ERBB2: variants seen among roughly 807,000 people sequenced by gnomAD.
ERBB2 encodes receptor tyrosine-protein kinase erbB-2.
In ERBB2, 61 loss-of-function variants were observed where a neutral mutation model predicts 149.0. The ratio of observed to expected loss-of-function variants is 0.41; its 90% CI spans 0.33 to 0.51. The LOEUF is 0.51. ERBB2 is among the 20% of genes least tolerant of loss of function. ERBB2 has a pLI of 0.25. For synonymous variants in ERBB2, 633 were observed against 678.8 expected, an observed-to-expected ratio of 0.93 and a Z score of 1.05; for missense variants, 1,205 against 1,655.1, an observed-to-expected ratio of 0.73 and a Z score of 4.72.
rs747570133 is a variant in ERBB2 at position 39,710,248 on chromosome 17, C to T, written c.759+47C>T. ...CCAATGTGCTCTACCCCCCAGGATG[C>T]AAGGGGTGGGCACCCTGCCTGGTAC... On this transcript the variant is annotated intron_variant, in intron 6 of 26. Coordinates refer to ENST00000269571, the MANE Select transcript of ERBB2 (RefSeq NM_004448.4). 6.2e-6 allele frequency: 10 copies of T among 1,607,516 alleles called. No homozygotes were observed. In the African/African-American group the frequency reaches 1.1e-4, roughly 17 times the overall value.
rs2145436082 is a variant in ERBB2 at position 39,708,311 on chromosome 17, C to T, written c.226-10C>T. The T allele has an allele frequency of 1.9e-6, 3 of 1,609,860 alleles. No homozygotes were observed. The highest frequency in any genetic ancestry group is 1.1e-5 in the South Asian group (1 of 90,932). ...TCCTATTTCAGCCCCACTCTGCTTC[C>T]CCCTCCCAGGATATCCAGGAGGTGC... On this transcript the variant is annotated splice_polypyrimidine_tract_variant and intron_variant, in intron 2 of 26. Transcript: ENST00000269571.
intron 3 of ERBB2, 134 bp downstream of exon 3, chr17:39,708,668 C>T (rs550169861): frequency 3.3e-5 from 22 of 663,678 alleles, no homozygotes; most frequent in African/African-American, 1.6e-4. Flanking sequence ...CCCGGGAAGA[C>T]GCCCTCAGAA....
chr17:39,701,141 G>T (rs1183547929), intron 1 of ERBB2, among the ~76,000 whole-genome samples: 1 of 152,118 alleles, frequency 6.6e-6, no homozygotes. Flanking sequence ...GGTGCTGTGC[G>T]TGGGGAAGGG....
At chr17:39,700,404 C>T in intron 1 of ERBB2, 93 bp downstream of exon 1, 1 of 1,034,622 alleles carries the variant, frequency 9.7e-7, no homozygotes, top group Non-Finnish European at 1.2e-6. Flanking sequence ...GCCAGAGGGG[C>T]CCGGACGAGC....
At position 39,715,851 on chromosome 17, in the gene ERBB2, C is replaced by T. The variant is rs2145656311; in HGVS notation, c.1425C>T (p.Cys475=). Residue 475 remains cysteine, a synonymous_variant, in exon 12 of 27, where the codon TGC becomes TGT. Coordinates refer to ENST00000269571, the MANE Select transcript of ERBB2 (RefSeq NM_004448.4). ...LALIHHNTHL[C]FVHTVPWDQL... Reference sequence around the variant, plus strand: ...TCATCCACCATAACACCCACCTCTGCTTCGTGCACACGGTGCCCTGGGACC... The same window carrying T: ...TCATCCACCATAACACCCACCTCTGTTTCGTGCACACGGTGCCCTGGGACC... The T allele has an allele frequency of 6.2e-7, 1 of 1,612,692 alleles. No individual in the cohort carries two copies.
In ERBB2 at chr17:39,727,964, CG is replaced by C; in HGVS notation, c.3694del (p.Ala1232LeufsTer70). 2 of 1,613,800 alleles carry C rather than the reference CG, an allele frequency of 1.2e-6. No homozygotes were observed. Among genetic ancestry groups the C allele is most frequent in the Non-Finnish European group, 1.7e-6 (2 of 1,179,964 alleles). On this transcript the variant is annotated frameshift_variant, in exon 27 of 27. Transcript: ENST00000269571. LOFTEE classifies it high-confidence loss of function. The surrounding 1 kb of genome is among the most constrained non-coding windows in gnomAD (Gnocchi z 4.3). ...TTACTGGGACCAGGACCCACCAGAG[CG>C]GGGGGCTCCACCCAGCACCTTCAAA... ...LYYWDQDPPE[R>X]GAPPSTFKGT...
Position 39,720,055 on chromosome 17 carries a change from C to G in ERBB2, c.1946+221C>G, listed in dbSNP as rs904340385. 7.1e-6 allele frequency: 4 copies of G among 559,930 alleles called. No homozygotes were observed. The African/African-American group carries it at 7.6e-5, about 11-fold the overall frequency. The allele number at this position is 559,930 out of a possible 1,614,324, so 34.7% of individuals were successfully genotyped here. A position where few individuals can be genotyped will look rare whatever the true frequency, so the allele number is the denominator to read the frequency against. ...AGGAAAGATGGCTAGGAAACCCAGTCCCTCCACACCCTAGAGTAACTTGAT... is the reference window on the plus strand; with the variant it reads ...AGGAAAGATGGCTAGGAAACCCAGTGCCTCCACACCCTAGAGTAACTTGAT... On this transcript the variant is annotated intron_variant, in intron 16 of 26. Transcript: ENST00000269571.
At position 39,725,758 on chromosome 17, in the gene ERBB2, T is replaced by A. The variant is rs1567914269; in HGVS notation, c.2777T>A (p.Ile926Asn). The A allele has an allele frequency of 6.2e-7, 1 of 1,613,690 alleles. No individual in the cohort carries two copies. The highest frequency in any genetic ancestry group is 8.5e-7 in the Non-Finnish European group (1 of 1,179,886). The change falls in exon 23 of 27, where the codon ATC becomes AAC. Residue 926 changes from isoleucine (I) to asparagine (N), a missense_variant. By Grantham distance (149) the Ile-to-Asn change is moderately radical. Around this residue, in one of 6 missense-constraint regions of ERBB2, gnomAD observed 63 missense variants for 74.2 expected, o/e 0.85. Coordinates refer to ENST00000269571, the MANE Select transcript of ERBB2 (RefSeq NM_004448.4). This position sits in a 1 kb window ranked among gnomAD's most constrained non-coding sequence, Gnocchi z 4.6. ...TTTGGGGCCAAACCTTACGATGGGA[T>A]CCCAGCCCGGGAGATCCCTGACCTG... ...MTFGAKPYDG[I>N]PAREIPDLLE...
chr17:39,728,122 G>A lies in ERBB2; in HGVS notation c.*78G>A. The A allele has an allele frequency of 9.2e-7, 1 of 1,085,952 alleles. No homozygotes were observed. The highest frequency in any genetic ancestry group is 1.3e-6 in the Non-Finnish European group (1 of 766,468). The allele number at this position is 1,085,952 out of a possible 1,614,324, so 67.3% of individuals were successfully genotyped here. A position where few individuals can be genotyped will look rare whatever the true frequency, so the allele number is the denominator to read the frequency against. On this transcript the variant is annotated 3_prime_UTR_variant, in exon 27 of 27. Transcript: ENST00000269571. The stretch of plus-strand genomic sequence containing the variant: ...GGCCTGACTTCTGCTGGCATCAAGA[G>A]GTGGGAGGGCCCTCCGACCACTTCC...
rs2059587911 is a variant in ERBB2, at chr17:39,723,899, T to C, written c.2209-13T>C. The C allele has an allele frequency of 6.2e-7, 1 of 1,609,538 alleles. No individual in the cohort carries two copies. Among genetic ancestry groups the C allele is most frequent in the Non-Finnish European group, 8.5e-7 (1 of 1,175,894 alleles). Reference sequence around the variant, plus strand: ...CACGCTCTTCTCACTCATATCCTCCTCTTTCTGCCCAGGGCATCTGGATCC... The same window carrying C: ...CACGCTCTTCTCACTCATATCCTCCCCTTTCTGCCCAGGGCATCTGGATCC... On this transcript the variant is annotated splice_polypyrimidine_tract_variant and intron_variant, in intron 18 of 26. Transcript: ENST00000269571. This position sits in a 1 kb window ranked among gnomAD's most constrained non-coding sequence, Gnocchi z 6.2.
In ERBB2 at chr17:39,710,367, A is replaced by G. The variant is rs750324803; in HGVS notation, c.787A>G (p.Ile263Val). 2.5e-6 allele frequency: 4 copies of G among 1,614,058 alleles called. No homozygotes were observed. In the South Asian group the frequency reaches 3.3e-5, roughly 13 times the overall value. ...CTGCCTCCACTTCAACCACAGTGGC[A>G]TCTGTGAGCTGCACTGCCCAGCCCT... The part of the protein sequence containing the change: ...LACLHFNHSG[I>V]CELHCPALVT... Residue 263 changes from isoleucine to valine, a missense_variant, in exon 7 of 27, where the codon ATC becomes GTC. Physicochemically the swap from Ile to Val is conservative, Grantham distance 29. Around this residue, in one of 6 missense-constraint regions of ERBB2, gnomAD observed 569 missense variants for 803.5 expected, o/e 0.71. Coordinates refer to ENST00000269571, the MANE Select transcript of ERBB2 (RefSeq NM_004448.4).
At chr17:39,691,059 T>C (rs573747097), upstream of ERBB2, among the ~76,000 whole-genome samples, 2 of 149,796 alleles carry the variant, frequency 1.3e-5, no homozygotes, top group African/African-American at 4.9e-5. Flanking sequence ...AAAAGTATAG[T>C]GTGCTAAAGG....
At chr17:39,699,908 G>A (rs901938258), upstream of ERBB2, 5 of 880,116 alleles carry the variant, frequency 5.7e-6, no homozygotes, top group South Asian at 3.6e-5. Context: ...AAGAGAGGGA[G>A]AAAGTGAAGC....
chr17:39,720,831 G>C (rs1023685985), intron 16 of ERBB2, among the ~76,000 whole-genome samples: 33 of 152,052 alleles, frequency 2.2e-4, no homozygotes, highest in Admixed American at 5.2e-4. Flanking sequence ...TGTATTTTTA[G>C]TAGAGACGGG....
chr17:39,688,777 C>T (rs2057623269), exon 2 of ERBB2: 1 of 152,410 alleles, frequency 6.6e-6, no homozygotes, highest in Non-Finnish European at 1.5e-5. Context: ...ACCACTCTAC[C>T]TCCAGCACAG....
In ERBB2 at chr17:39,710,091, C is replaced by G. The variant is rs768151310; in HGVS notation, c.649C>G (p.Arg217Gly). ...TCCTGCCCTTTGCCCAACAGTGACGCGCACTGTCTGTGCCGGTGGCTGTGC... is the reference window on the plus strand; with the variant it reads ...TCCTGCCCTTTGCCCAACAGTGACGGGCACTGTCTGTGCCGGTGGCTGTGC... ...ESSEDCQSLT[R>G]TVCAGGCARC... The change falls in exon 6 of 27, where the codon CGC becomes GGC. Residue 217 changes from arginine (R) to glycine (G), a missense_variant. By Grantham distance (125) the Arg-to-Gly change is moderately radical (BLOSUM62 -2). Around this residue, in one of 6 missense-constraint regions of ERBB2, gnomAD observed 569 missense variants for 803.5 expected, o/e 0.71. Coordinates refer to ENST00000269571, the MANE Select transcript of ERBB2 (RefSeq NM_004448.4). 6.2e-7 allele frequency: 1 copy of G among 1,606,520 alleles called. No individual in the cohort carries two copies. Among genetic ancestry groups the G allele is most frequent in the Non-Finnish European group, 8.5e-7 (1 of 1,177,794 alleles).
chr17:39,701,822 G>T (rs2058126147), intron 1 of ERBB2, among the ~76,000 whole-genome samples: 1 of 152,186 alleles, frequency 6.6e-6, no homozygotes, highest in Non-Finnish European at 1.5e-5. Flanking sequence ...CCTTCTTGCT[G>T]AGGAAGAAGG....
chr17:39,712,751 G>T (rs4252629), intron 9 of ERBB2, among the ~76,000 whole-genome samples: 1 of 152,238 alleles, frequency 6.6e-6, no homozygotes, highest in South Asian at 2.1e-4. Flanking sequence ...TAACTCAAAT[G>T]TGCATCACTA....
chr17:39,728,028 T>G lies in ERBB2; in HGVS notation c.3752T>G (p.Leu1251Arg). ...GCAGAGAACCCAGAGTACCTGGGTCTGGACGTGCCAGTGTGAACCAGAAGG... is the reference window on the plus strand; with the variant it reads ...GCAGAGAACCCAGAGTACCTGGGTCGGGACGTGCCAGTGTGAACCAGAAGG... ...PTAENPEYLG[L>R]DVPV Residue 1251 changes from leucine to arginine, a missense_variant, in exon 27 of 27, where the codon CTG (leucine) becomes CGG (arginine). By Grantham distance (102) the Leu-to-Arg change is moderately radical. Coordinates refer to ENST00000269571, the MANE Select transcript of ERBB2 (RefSeq NM_004448.4). 1.9e-6 allele frequency: 3 copies of G among 1,593,870 alleles called. No individual in the cohort carries two copies. Among genetic ancestry groups the G allele is most frequent in the Non-Finnish European group, 2.6e-6 (3 of 1,170,686 alleles).
Sources: gnomAD v4.1 joint callset for allele counts (sites outside exome capture counted in the v4.1 genomes callset) on GRCh38, gnomAD v4.1.1 for gene constraint, gnomAD v4.1.1 regional missense constraint, Gnocchi (gnomAD v3.1) non-coding constraint, MANE v1.5 for transcripts, NCBI Gene and HGNC (gene_info 2026-07-23, HGNC 2026-07-21) for gene names.